The following KATNIP variants were observed in gnomAD, a reference collection of about 807,000 sequenced individuals.
KATNIP encodes katanin interacting protein.
Under a neutral mutation model 174.0 loss-of-function variants are expected in KATNIP, and 126 were observed. The ratio of observed to expected loss-of-function variants is 0.72; its 90% CI spans 0.63 to 0.84. The LOEUF (loss-of-function observed/expected upper bound fraction) is 0.84. Ranked by LOEUF, KATNIP falls within the 40% of genes least tolerant of loss-of-function variation. KATNIP has a pLI of 0.00. For missense variants in KATNIP, 1,958 were observed against 2,109.7 expected (o/e 0.93, Z 1.41); for synonymous variants, 810 against 835.7 (o/e 0.97, Z 0.53).
chr16:27,629,857 T>C (rs1167103184), intron 4 of KATNIP, among the ~76,000 whole-genome samples: 1 of 151,906 alleles, frequency 6.6e-6, no homozygotes, highest in African/African-American at 2.4e-5. Flanking sequence ...CTGCAAAAAA[T>C]ACAAAAGTAG....
chr16:27,705,248 A>G (rs58133184), intron 12 of KATNIP, among the ~76,000 whole-genome samples: 2,466 of 151,648 alleles, frequency 0.016, 64 homozygotes, highest in African/African-American at 0.055. Flanking sequence ...GTGTCCCAGC[A>G]CTCCCTTCTG....
At chr16:27,603,333 G>T (rs1007320298) in intron 2 of KATNIP, among the ~76,000 whole-genome samples, 5 of 152,184 alleles carry the variant, frequency 3.3e-5, no homozygotes, top group Admixed American at 1.3e-4. Context: ...TTAGTTTGGG[G>T]AAGGGCTATT....
chr16:27,751,476 C>G (rs2081514461), intron 16 of KATNIP, among the ~76,000 whole-genome samples: 1 of 152,150 alleles, frequency 6.6e-6, no homozygotes, highest in Non-Finnish European at 1.5e-5. Context: ...AGAAATGTCA[C>G]TTGCCTGATG....
At chr16:27,702,840 G>A (rs2079149607) in intron 11 of KATNIP, among the ~76,000 whole-genome samples, 1 of 152,248 alleles carries the variant, frequency 6.6e-6, no homozygotes, top group South Asian at 2.1e-4. Flanking sequence ...GTGTACCATT[G>A]TGGCCATAAT....
intron 14 of KATNIP, among the ~76,000 whole-genome samples, chr16:27,726,009 T>TA: frequency 6.6e-6 from 1 of 152,266 alleles, no homozygotes; most frequent in South Asian, 2.1e-4. Context: ...CACAGACCAG[T>TA]ACCAGTCTGT....
chr16:27,599,080 C>T (rs868670205), intron 2 of KATNIP, among the ~76,000 whole-genome samples: 37 of 152,322 alleles, frequency 2.4e-4, no homozygotes, highest in Middle Eastern at 3.4e-3. Context: ...ATCTGGGCCC[C>T]GCAGCCCAAC....
chr16:27,554,949 AC>A (rs2089553217), intron 1 of KATNIP, among the ~76,000 whole-genome samples: 1 of 151,886 alleles, frequency 6.6e-6, no homozygotes, highest in Admixed American at 6.6e-5. Context: ...GCACGCCACC[AC>A]GCCTGGCTAA....
At position 27,550,163 on chromosome 16, in the gene KATNIP, C is replaced by T. The variant is rs1245660039; in HGVS notation, c.-8C>T. 1.2e-6 allele frequency: 2 copies of T among 1,612,390 alleles called. No homozygotes were observed. The highest frequency in any genetic ancestry group is 1.7e-5 in the Admixed American group (1 of 59,866). ...CGGTTCGAGCTCCCGGAACCGCCGC[C>T]TCTAGGGATGGACGGTGAGTGTCTG... is the stretch of plus-strand genomic sequence containing the variant. On this transcript the variant is annotated 5_prime_UTR_variant, in exon 1 of 28. Coordinates refer to ENST00000261588, the MANE Select transcript of KATNIP (RefSeq NM_015202.5).
At chr16:27,736,414 A>T (rs1284619442) in intron 14 of KATNIP, among the ~76,000 whole-genome samples, 2 of 152,248 alleles carry the variant, frequency 1.3e-5, no homozygotes, top group Non-Finnish European at 2.9e-5. Context: ...TTAAAAGCTG[A>T]TAAGCAAGAC....
chr16:27,729,997 C>T (rs568810982), intron 14 of KATNIP, among the ~76,000 whole-genome samples: 9 of 152,374 alleles, frequency 5.9e-5, no homozygotes, highest in African/African-American at 1.9e-4. Flanking sequence ...GCCCCAAGCC[C>T]AGGCGTTGTG....
At chr16:27,709,186 G>A (rs1053727765) in intron 13 of KATNIP, 3 of 376,814 alleles carry the variant, frequency 8.0e-6, no homozygotes, top group African/African-American at 6.1e-5. Context: ...CAGGCATCAT[G>A]GCTTGTGCCT....
At chr16:27,733,856 T>G (rs2080796421) in intron 14 of KATNIP, among the ~76,000 whole-genome samples, 1 of 152,106 alleles carries the variant, frequency 6.6e-6, no homozygotes, top group African/African-American at 2.4e-5. Context: ...ACTCGCAGAA[T>G]CTTCCATCCT....
chr16:27,696,949 G>A (rs1254965603), intron 8 of KATNIP, among the ~76,000 whole-genome samples: 3 of 151,946 alleles, frequency 2.0e-5, no homozygotes, highest in East Asian at 1.9e-4. Context: ...GGCTGATCTC[G>A]AACTCCTGAC....
chr16:27,604,648 C>T (rs187039727), intron 2 of KATNIP, among the ~76,000 whole-genome samples: 43 of 152,264 alleles, frequency 2.8e-4, no homozygotes, highest in African/African-American at 8.9e-4. Context: ...AGGGCCCAGC[C>T]AGAGGAAGTG....
intron 8 of KATNIP, among the ~76,000 whole-genome samples, chr16:27,693,125 A>G (rs2078792577): frequency 6.6e-6 from 1 of 152,172 alleles, no homozygotes; most frequent in Non-Finnish European, 1.5e-5. Context: ...GCTTGTTTCC[A>G]TAACAATAAG....
At chr16:27,575,006 GCCAGGCA>G (rs1378197346) in intron 2 of KATNIP, among the ~76,000 whole-genome samples, 1 of 152,186 alleles carries the variant, frequency 6.6e-6, no homozygotes, top group African/African-American at 2.4e-5. Context: ...CCTACTCTGT[GCCAGGCA>G]CCAGGGGGAC....
At chr16:27,651,432 G>GAA (rs879650488) in intron 6 of KATNIP, among the ~76,000 whole-genome samples, 1 of 142,850 alleles carries the variant, frequency 7.0e-6, no homozygotes. Flanking sequence ...TCTGAACAGG[G>GAA]AAAAAAAAAA....
At chr16:27,593,870 C>A (rs1465120333) in intron 2 of KATNIP, among the ~76,000 whole-genome samples, 3 of 152,188 alleles carry the variant, frequency 2.0e-5, no homozygotes, top group African/African-American at 7.2e-5. Flanking sequence ...GGTCAGGCAC[C>A]TTCTCCTGAT....
chr16:27,643,779 A>G (rs1177247392), intron 5 of KATNIP, among the ~76,000 whole-genome samples: 1 of 151,624 alleles, frequency 6.6e-6, no homozygotes, highest in Non-Finnish European at 1.5e-5. Flanking sequence ...CTCTGACATC[A>G]TTTTCTTCAT....
Sources: allele counts gnomAD v4.1 joint callset (sites outside exome capture counted in the v4.1 genomes callset), GRCh38; gene constraint gnomAD v4.1.1; transcripts MANE v1.5; gene names NCBI Gene and HGNC (gene_info 2026-07-23, HGNC 2026-07-21).